The following SLC23A2 variants were observed in gnomAD, a reference collection of about 807,000 sequenced individuals.
SLC23A2 encodes solute carrier family 23 member 2, also known as Na(+)/L-ascorbic acid transporter 2.
A neutral mutation model predicts 73.3 loss-of-function variants in SLC23A2; 36 were observed. The observed-to-expected ratio is 0.49, with a 90% confidence interval of 0.38 to 0.65. The LOEUF is 0.65. Ranked by LOEUF, SLC23A2 falls within the 30% of genes least tolerant of loss-of-function variation. The pLI, the probability that SLC23A2 is intolerant of heterozygous loss-of-function variation, is 0.00. For missense variants in SLC23A2, 507 were observed against 841.6 expected, an observed-to-expected ratio of 0.60 and a Z score of 4.92; for synonymous variants, 343 against 327.3, an observed-to-expected ratio of 1.05 and a Z score of -0.52.
At chr20:4,980,185 T>C (rs1039842247) in intron 1 of SLC23A2, among the ~76,000 whole-genome samples, 1 of 152,210 alleles carries the variant, frequency 6.6e-6, no homozygotes, top group Non-Finnish European at 1.5e-5. Context: ...CTGGCATGTA[T>C]GTTAGGTATG....
chr20:4,956,754 G>A (rs1395559304), intron 2 of SLC23A2, among the ~76,000 whole-genome samples: 4 of 151,004 alleles, frequency 2.6e-5, no homozygotes, highest in South Asian at 2.1e-4. Flanking sequence ...CTTAGCCAAC[G>A]GATATGGGTG....
chr20:4,915,745 C>T (rs1191288755), intron 3 of SLC23A2, among the ~76,000 whole-genome samples: 3 of 152,078 alleles, frequency 2.0e-5, no homozygotes, highest in Non-Finnish European at 2.9e-5. Context: ...ATCACGAGTT[C>T]GAGACCAGCC....
chr20:4,927,048 G>A (rs748858065), intron 3 of SLC23A2, among the ~76,000 whole-genome samples: 4 of 151,960 alleles, frequency 2.6e-5, no homozygotes, highest in Non-Finnish European at 4.4e-5. Flanking sequence ...TGGATTCTGA[G>A]GCAAATGAGA....
In SLC23A2 at chr20:4,899,833, GT is replaced by G; in HGVS notation, c.325-122del. The stretch of plus-strand genomic sequence containing the variant: ...ATAGCCCACATAAAGAATCTCCTTG[GT>G]TTTTCGACCAAGCCATACTTTTTTC... On this transcript the variant is annotated intron_variant, in intron 5 of 16. Transcript: ENST00000338244. This position sits in a 1 kb window ranked among gnomAD's most constrained non-coding sequence, Gnocchi z 4.9. The G allele has an allele frequency of 9.9e-7, 1 of 1,005,410 alleles. No homozygotes were observed. The allele number at this position is 1,005,410 out of a possible 1,614,324, so 62.3% of individuals were successfully genotyped here. A position where few individuals can be genotyped will look rare whatever the true frequency, so the allele number is the denominator to read the frequency against.
At position 4,859,299 on chromosome 20, in the gene SLC23A2, G is replaced by A. The variant is rs1267995175; in HGVS notation, c.1710C>T (p.Asn570=). 2.5e-6 allele frequency: 4 copies of A among 1,586,210 alleles called. No homozygotes were observed. The highest frequency in any genetic ancestry group is 1.4e-5 in the African/African-American group (1 of 73,576). Residue 570 remains asparagine (N), a synonymous_variant, in exon 16 of 17, where the codon AAC becomes AAT. Coordinates refer to ENST00000338244, the MANE Select transcript of SLC23A2 (RefSeq NM_005116.6). ...VGGCVAFILD[N]TIPGTPEERG... Reference sequence around the variant, plus strand: ...ATATATACCACGTACCTGGGATGGTGTTATCCAGGATAAAAGCCACACAGC... The same window carrying A: ...ATATATACCACGTACCTGGGATGGTATTATCCAGGATAAAAGCCACACAGC...
chr20:5,007,819 C>A (rs1012732064), intron 1 of SLC23A2, among the ~76,000 whole-genome samples: 1 of 152,086 alleles, frequency 6.6e-6, no homozygotes, highest in Non-Finnish European at 1.5e-5. Flanking sequence ...GCTTCTTTCA[C>A]TTCCCATGTT....
rs564677071 is a variant in SLC23A2, at chr20:4,856,585, C to A, written c.*387G>T. ...AATGACAAGGAAACAGGTCCAGGGG[C>A]TTCGGAGAGAGAGAGAAAGCCCCTG... is the stretch of plus-strand genomic sequence containing the variant. On this transcript the variant is annotated 3_prime_UTR_variant, in exon 17 of 17. Coordinates refer to ENST00000338244, the MANE Select transcript of SLC23A2 (RefSeq NM_005116.6). The surrounding 1 kb of genome is among the most constrained non-coding windows in gnomAD (Gnocchi z 4.6). 18 of 173,592 alleles carry A rather than the reference C, an allele frequency of 1.0e-4. No individual in the cohort carries two copies. Among genetic ancestry groups the A allele is most frequent in the Non-Finnish European group, 1.6e-4 (13 of 81,918 alleles). 10.8% of individuals were successfully genotyped at this position (173,592 alleles called of 1,614,324 possible). A position where few individuals can be genotyped will look rare whatever the true frequency, so the allele number is the denominator to read the frequency against.
intron 1 of SLC23A2, among the ~76,000 whole-genome samples, chr20:4,984,859 C>A (rs1381914723): frequency 6.6e-6 from 1 of 152,112 alleles, no homozygotes; most frequent in African/African-American, 2.4e-5. Flanking sequence ...ATAGAATCGG[C>A]CAGGCATGGT....
chr20:4,967,046 C>T (rs1237306002), intron 2 of SLC23A2, among the ~76,000 whole-genome samples: 3 of 152,026 alleles, frequency 2.0e-5, no homozygotes, highest in African/African-American at 4.8e-5. Flanking sequence ...CCAGTGCTAA[C>T]GAGAAGCACA....
chr20:4,931,058 A>AT (rs1234865627), intron 3 of SLC23A2, among the ~76,000 whole-genome samples: 1 of 86,434 alleles, frequency 1.2e-5, no homozygotes. Context: ...AATAACTGTT[A>AT]TTTTTTTAAG....
At position 4,998,840 on chromosome 20, in the gene SLC23A2, T is replaced by C. The variant is rs2088067825; in HGVS notation, c.-282+2566A>G. Among the ~76,000 whole-genome samples the C allele has an allele frequency of 6.6e-6, 1 of 150,450 alleles. No individual in the cohort carries two copies. The highest frequency in any genetic ancestry group is 1.5e-5 in the Non-Finnish European group (1 of 67,690). On this transcript the variant is annotated intron_variant, in intron 1 of 16. Coordinates refer to ENST00000338244, the MANE Select transcript of SLC23A2 (RefSeq NM_005116.6). This position sits in a 1 kb window ranked among gnomAD's most constrained non-coding sequence, Gnocchi z 4.1. ...TTTTTTTTAGGAGACAGTCTCACTC[T>C]GTCACCCAGGCTGGAGTGCAGTGGC... is the stretch of plus-strand genomic sequence containing the variant.
intron 9 of SLC23A2, among the ~76,000 whole-genome samples, chr20:4,877,379 A>G (rs1930701973): frequency 6.6e-6 from 1 of 152,236 alleles, no homozygotes; most frequent in African/African-American, 2.4e-5. Context: ...ATTATAGACT[A>G]CATTACTAAA....
intron 13 of SLC23A2, among the ~76,000 whole-genome samples, chr20:4,866,749 A>G (rs1166316416): frequency 6.6e-6 from 1 of 152,078 alleles, no homozygotes; most frequent in African/African-American, 2.4e-5. Flanking sequence ...TCTTTATCTG[A>G]TTATAGAATC....
chr20:4,972,837 G>A (rs1010628637), intron 1 of SLC23A2, among the ~76,000 whole-genome samples: 7 of 150,238 alleles, frequency 4.7e-5, no homozygotes, highest in Admixed American at 1.3e-4. Flanking sequence ...CACCCGCCTC[G>A]GCTCCCAAAG....
At chr20:4,926,050 C>T (rs1396800581) in intron 3 of SLC23A2, among the ~76,000 whole-genome samples, 2 of 152,172 alleles carry the variant, frequency 1.3e-5, no homozygotes, top group African/African-American at 4.8e-5. Flanking sequence ...AATGGAGGAA[C>T]GTGAGGCTGT....
intron 6 of SLC23A2, among the ~76,000 whole-genome samples, chr20:4,897,393 T>C (rs1931578617): frequency 6.6e-6 from 1 of 152,154 alleles, no homozygotes; most frequent in African/African-American, 2.4e-5. Flanking sequence ...GGGGCTGCCA[T>C]TCCTTGCACA....
intron 9 of SLC23A2, among the ~76,000 whole-genome samples, chr20:4,876,710 GCAGA>G (rs987314797): frequency 1.3e-5 from 2 of 152,124 alleles, no homozygotes; most frequent in African/African-American, 4.8e-5. Flanking sequence ...AGACAGATAA[GCAGA>G]AAGAAAAAGA....
intron 6 of SLC23A2, among the ~76,000 whole-genome samples, chr20:4,893,264 T>C (rs897040029): frequency 3.8e-4 from 58 of 152,090 alleles, no homozygotes; most frequent in African/African-American, 1.1e-3. Context: ...AAGGTCTCAC[T>C]ATGTTGTCCA....
chr20:4,915,673 C>T (rs547777953), intron 3 of SLC23A2, among the ~76,000 whole-genome samples: 58 of 152,250 alleles, frequency 3.8e-4, no homozygotes, highest in African/African-American at 1.3e-3. Context: ...AGAGGCCAGG[C>T]GCAGTGGCTC....
Sources: gnomAD v4.1 joint callset for allele counts (sites outside exome capture counted in the v4.1 genomes callset) on GRCh38, gnomAD v4.1.1 for gene constraint, Gnocchi (gnomAD v3.1) non-coding constraint, MANE v1.5 for transcripts, NCBI Gene and HGNC (gene_info 2026-07-23, HGNC 2026-07-21) for gene names.